PABPC4L: variants seen among roughly 807,000 people sequenced by gnomAD.
The protein encoded by PABPC4L is poly(A) binding protein cytoplasmic 4 like.
For synonymous variants in PABPC4L, 169 were observed against 164.1 expected, an observed-to-expected ratio of 1.03 and a Z score of -0.23; for missense variants, 452 against 451.4, an observed-to-expected ratio of 1.00 and a Z score of -0.01.
chr4:134,194,502 T>C (rs911457864), downstream of PABPC4L, among the ~76,000 whole-genome samples: 1 of 151,844 alleles, frequency 6.6e-6, no homozygotes, highest in African/African-American at 2.4e-5. Flanking sequence ...TCTCATTACC[T>C]TGGTTACAAT....
chr4:134,055,130 T>C, the PABPC4L span, among the ~76,000 whole-genome samples: 1 of 152,126 alleles, frequency 6.6e-6, no homozygotes, highest in Non-Finnish European at 1.5e-5. Context: ...CTGATATGGA[T>C]TGAATGGTCT....
At chr4:134,028,482 A>G in the PABPC4L span, among the ~76,000 whole-genome samples, 283 of 149,402 alleles carry the variant, frequency 1.9e-3, 1 homozygote, top group African/African-American at 6.6e-3. Flanking sequence ...CCAGTAACCT[A>G]TATGTCTTGC....
At chr4:133,967,550 A>G in the PABPC4L span, among the ~76,000 whole-genome samples, 5 of 152,148 alleles carry the variant, frequency 3.3e-5, no homozygotes, top group South Asian at 2.1e-4. Flanking sequence ...AACAATGAAG[A>G]CTTCTAATAT....
the PABPC4L span, among the ~76,000 whole-genome samples, chr4:134,089,182 A>G: frequency 2.6e-5 from 4 of 152,110 alleles, no homozygotes; most frequent in Non-Finnish European, 2.9e-5. Flanking sequence ...ATTTTTGTAA[A>G]TGTTTTATAA....
At chr4:134,152,406 T>G in the PABPC4L span, among the ~76,000 whole-genome samples, 2 of 152,248 alleles carry the variant, frequency 1.3e-5, no homozygotes, top group East Asian at 1.9e-4. Flanking sequence ...CTGTTGAAAA[T>G]TAATAAAATT....
At chr4:134,065,488 C>G in the PABPC4L span, among the ~76,000 whole-genome samples, 1 of 151,642 alleles carries the variant, frequency 6.6e-6, no homozygotes, top group African/African-American at 2.4e-5. Context: ...AGACCTTTGT[C>G]TAGTATCCAA....
the PABPC4L span, among the ~76,000 whole-genome samples, chr4:134,032,236 A>G: frequency 6.6e-6 from 1 of 151,876 alleles, no homozygotes; most frequent in Non-Finnish European, 1.5e-5. Context: ...AAAAATAAAA[A>G]TATAATGTAT....
chr4:134,135,917 A>T, the PABPC4L span, among the ~76,000 whole-genome samples: 1 of 152,176 alleles, frequency 6.6e-6, no homozygotes, highest in South Asian at 2.1e-4. Context: ...CACAACAAGT[A>T]CTGTGGTATG....
At chr4:134,135,768 G>A in the PABPC4L span, among the ~76,000 whole-genome samples, 5 of 152,070 alleles carry the variant, frequency 3.3e-5, no homozygotes, top group African/African-American at 9.7e-5. Flanking sequence ...GGGAGGTAGA[G>A]GTTGTAGTGG....
downstream of PABPC4L, among the ~76,000 whole-genome samples, chr4:134,194,391 G>C (rs984624993): frequency 6.6e-6 from 1 of 151,662 alleles, no homozygotes; most frequent in African/African-American, 2.4e-5. Context: ...TCTGGCACTT[G>C]TATCTTGATT....
the PABPC4L span, among the ~76,000 whole-genome samples, chr4:133,975,292 C>A: frequency 6.6e-6 from 1 of 151,982 alleles, no homozygotes; most frequent in Admixed American, 6.6e-5. Flanking sequence ...TAGGCAAATC[C>A]ATGGAGAAGA....
the PABPC4L span, among the ~76,000 whole-genome samples, chr4:134,032,883 T>G: frequency 5.8e-3 from 889 of 151,996 alleles, 9 homozygotes; most frequent in African/African-American, 0.02. Context: ...TGACCATTAC[T>G]GTCGTGTACA....
chr4:134,165,405 A>G, the PABPC4L span, among the ~76,000 whole-genome samples: 20 of 152,312 alleles, frequency 1.3e-4, no homozygotes, highest in African/African-American at 4.1e-4. Flanking sequence ...TCTAGTATCC[A>G]GGGTTTATAA....
chr4:133,985,513 CAT>C, the PABPC4L span, among the ~76,000 whole-genome samples: 4 of 151,814 alleles, frequency 2.6e-5, no homozygotes, highest in Non-Finnish European at 5.9e-5. Flanking sequence ...AGATATTTCT[CAT>C]ATTCATAATT....
the PABPC4L span, among the ~76,000 whole-genome samples, chr4:134,154,970 T>C: frequency 6.6e-6 from 1 of 152,056 alleles, no homozygotes; most frequent in Admixed American, 6.6e-5. Context: ...GTTTTTTCTT[T>C]ATATATAACA....
the PABPC4L span, among the ~76,000 whole-genome samples, chr4:134,081,401 A>G: frequency 1.3e-5 from 2 of 152,178 alleles, no homozygotes; most frequent in Non-Finnish European, 2.9e-5. Context: ...AGCATTTATT[A>G]GAGGAAGTTG....
chr4:133,971,242 G>T, the PABPC4L span, among the ~76,000 whole-genome samples: 1 of 150,230 alleles, frequency 6.7e-6, no homozygotes, highest in East Asian at 2.0e-4. Flanking sequence ...CTCCGGAGTA[G>T]CTAAGACTAC....
At chr4:133,978,101 C>A in the PABPC4L span, 6 of 152,102 alleles carry the variant, frequency 3.9e-5, no homozygotes, top group Non-Finnish European at 7.3e-5. Flanking sequence ...TGAATGACAT[C>A]ATTGATCTAC....
chr4:134,046,568 G>A, the PABPC4L span, among the ~76,000 whole-genome samples: 3 of 152,102 alleles, frequency 2.0e-5, no homozygotes, highest in East Asian at 1.9e-4. Flanking sequence ...GACCCCTTAC[G>A]GGTATGGGGC....
Sources: gnomAD v4.1 joint callset for allele counts (sites outside exome capture counted in the v4.1 genomes callset) on GRCh38, gnomAD v4.1.1 for gene constraint, MANE v1.5 for transcripts, NCBI Gene and HGNC (gene_info 2026-07-23, HGNC 2026-07-21) for gene names.